The following TRIM29 variants were observed in gnomAD, a reference collection of about 807,000 sequenced individuals.
TRIM29 encodes tripartite motif containing 29, also known as tripartite motif-containing protein 29.
TRIM29 carries 52 observed loss-of-function variants against 57.3 expected under a neutral mutation model. The observed-to-expected ratio is 0.91, with a 90% confidence interval of 0.73 to 1.14. The LOEUF is 1.14. Ranked by LOEUF, TRIM29 falls within the 50% of genes most tolerant of loss-of-function variation. The pLI is 0.00. For missense variants in TRIM29, 753 were observed against 774.6 expected (o/e 0.97, Z 0.33); for synonymous variants, 319 against 316.9 (o/e 1.01, Z -0.07).
At chr11:120,118,597 G>T (rs1040423579) in intron 6 of TRIM29, among the ~76,000 whole-genome samples, 2 of 152,086 alleles carry the variant, frequency 1.3e-5, no homozygotes, top group Admixed American at 6.5e-5. Context: ...TCTGTCGTGA[G>T]TTGCTCCCCC....
chr11:120,131,282 G>GA (rs1408562698), intron 1 of TRIM29, among the ~76,000 whole-genome samples: 3 of 152,158 alleles, frequency 2.0e-5, no homozygotes, highest in Non-Finnish European at 2.9e-5. Flanking sequence ...CAGGGATGCA[G>GA]AATTCAATGG....
At chr11:120,123,710 C>T (rs376168672) in intron 4 of TRIM29, 2 of 342,376 alleles carry the variant, frequency 5.8e-6, no homozygotes, top group South Asian at 2.3e-5. Context: ...CTTTCGACTT[C>T]CCCGTCTTCT....
intron 4 of TRIM29, chr11:120,123,539 G>GGGA: frequency 2.3e-6 from 1 of 438,902 alleles, no homozygotes; most frequent in Non-Finnish European, 4.6e-6. Context: ...GCAGCCTAAG[G>GGGA]TGAGGGGATG....
intron 5 of TRIM29, 69 bp downstream of exon 5, chr11:120,122,885 T>C: frequency 7.6e-7 from 1 of 1,307,526 alleles, no homozygotes; most frequent in Non-Finnish European, 1.1e-6. Context: ...TGAGAGTCAC[T>C]GCACGGACTT....
chr11:120,125,312 G>A lies in TRIM29; in HGVS notation c.1333+379C>T, dbSNP rs1482171926. The A allele has an allele frequency of 1.9e-5, 5 of 261,634 alleles. No homozygotes were observed. The East Asian group carries it at 3.5e-4, about 18-fold the overall frequency. 16.2% of individuals were successfully genotyped at this position (261,634 alleles called of 1,614,324 possible). On this transcript the variant is annotated intron_variant, in intron 4 of 8. Coordinates refer to ENST00000341846, the MANE Select transcript of TRIM29 (RefSeq NM_012101.4). ...TCTGCTAGAGTCTGCAAAGCCACCA[G>A]TTTGGAATCTGGCCCATACTAGTGG...
At chr11:120,133,989 A>C (rs1863768379) in intron 1 of TRIM29, among the ~76,000 whole-genome samples, 1 of 152,038 alleles carries the variant, frequency 6.6e-6, no homozygotes, top group Non-Finnish European at 1.5e-5. Context: ...AGGAGGTCTT[A>C]ACATCCTGGC....
At chr11:120,116,977 G>A (rs1283047668) in intron 7 of TRIM29, 2 of 434,760 alleles carry the variant, frequency 4.6e-6, no homozygotes, top group South Asian at 1.6e-5. Flanking sequence ...TTTTTAGACA[G>A]CCCACTGCGA....
At chr11:120,120,522 T>C in intron 6 of TRIM29, 51 bp downstream of exon 6, 1 of 1,556,698 alleles carries the variant, frequency 6.4e-7, no homozygotes, top group Non-Finnish European at 8.8e-7. Context: ...CCCTCCTGCC[T>C]GCACAGCCCC....
intron 2 of TRIM29, among the ~76,000 whole-genome samples, 195 bp downstream of exon 2, chr11:120,128,205 A>G (rs755259847): frequency 6.6e-6 from 1 of 152,230 alleles, no homozygotes; most frequent in Non-Finnish European, 1.5e-5. Context: ...GGTCACAGAC[A>G]GGATCCCACC....
Position 120,137,789 on chromosome 11 carries a change from C to G in TRIM29, c.243G>C (p.Gln81His), listed in dbSNP as rs199790496. 5 of 1,612,464 alleles carry G rather than the reference C, an allele frequency of 3.1e-6. No individual in the cohort carries two copies. The highest frequency in any genetic ancestry group is 4.2e-6 in the Non-Finnish European group (5 of 1,180,026). Reference protein sequence around the residue: ...AGNEWRRPIIQFVESGDDKNS... With the variant: ...AGNEWRRPIIHFVESGDDKNS... Reference sequence around the variant, plus strand: ...TCTTGTCGTCCCCGGACTCGACAAACTGGATGATGGGTCGCCGCCACTCAT... The same window carrying G: ...TCTTGTCGTCCCCGGACTCGACAAAGTGGATGATGGGTCGCCGCCACTCAT... The change falls in exon 1 of 9, where the codon CAG becomes CAC. Residue 81 changes from glutamine to histidine, a missense_variant. By Grantham distance (24) the Gln-to-His change is conservative. Transcript: ENST00000341846. The surrounding 1 kb of genome is among the most constrained non-coding windows in gnomAD (Gnocchi z 6.2).
In TRIM29 at chr11:120,117,944, T is replaced by C. The variant is rs114126435; in HGVS notation, c.1627+279A>G. 3,335 of 467,408 alleles carry C rather than the reference T, an allele frequency of 7.1e-3. 89 individuals are homozygous for C. Among genetic ancestry groups the C allele is most frequent in the African/African-American group, 0.059 (2,970 of 49,992 alleles). The allele number at this position is 467,408 out of a possible 1,614,324, so 29.0% of individuals were successfully genotyped here. A position where few individuals can be genotyped will look rare whatever the true frequency, so the allele number is the denominator to read the frequency against. ...GAGGTCGAGTGCAGGGGGTATGGCA[T>C]GTCCCCCGGTCCTGACCACTGAGAG... On this transcript the variant is annotated intron_variant, in intron 7 of 8. Coordinates refer to ENST00000341846, the MANE Select transcript of TRIM29 (RefSeq NM_012101.4).
At chr11:120,125,931 T>G in intron 3 of TRIM29, 42 bp from the exon 4 acceptor site, 1 of 1,594,406 alleles carries the variant, frequency 6.3e-7, no homozygotes, top group East Asian at 2.2e-5. Context: ...TGGGTCTTCA[T>G]GAGCTATGAG....
chr11:120,122,862 G>A, intron 5 of TRIM29, 92 bp downstream of exon 5: 1 of 1,026,736 alleles, frequency 9.7e-7, no homozygotes, highest in Non-Finnish European at 1.5e-6. Flanking sequence ...CCCCCACTCA[G>A]AAGGAACCTG....
intron 5 of TRIM29, chr11:120,121,225 C>A: frequency 4.1e-6 from 1 of 246,070 alleles, no homozygotes; most frequent in Non-Finnish European, 8.0e-6. Flanking sequence ...TCCGGCCCTG[C>A]CAGTCCTTCC....
rs369812341 is a variant in TRIM29 at position 120,137,285 on chromosome 11, G to C, written c.747C>G (p.Phe249Leu). The change falls in exon 1 of 9, where the codon TTC becomes TTG. Residue 249 changes from phenylalanine to leucine, a missense_variant. Phe to Leu is a conservative substitution (Grantham distance 22). Transcript: ENST00000341846. This position sits in a 1 kb window ranked among gnomAD's most constrained non-coding sequence, Gnocchi z 6.2. ...CGGTGCTATGATTCTTGTGCTCCTG[G>C]AACATGCAAAGGTAGCAGATGCAGG... is the stretch of plus-strand genomic sequence containing the variant. ...DQTCICYLCM[F>L]QEHKNHSTVT... 1 of 1,614,040 alleles carries C rather than the reference G, an allele frequency of 6.2e-7. No homozygotes were observed. The highest frequency in any genetic ancestry group is 8.5e-7 in the Non-Finnish European group (1 of 1,180,034).
intron 4 of TRIM29, chr11:120,123,363 T>G (rs958470895): frequency 1.8e-6 from 1 of 556,998 alleles, no homozygotes; most frequent in African/African-American, 1.9e-5. Context: ...GCCCATTTCT[T>G]ATTTGATCCA....
chr11:120,135,295 C>G (rs1591332110), intron 1 of TRIM29, among the ~76,000 whole-genome samples: 1 of 152,318 alleles, frequency 6.6e-6, no homozygotes, highest in East Asian at 1.9e-4. Context: ...TTCTTTACCC[C>G]CTCCTCATCC....
At chr11:120,128,811 C>T in intron 1 of TRIM29, 2 of 1,528,098 alleles carry the variant, frequency 1.3e-6, no homozygotes, top group Non-Finnish European at 1.8e-6. Flanking sequence ...GAGGGAAACT[C>T]ATTTACAGGG....
rs547576015 is a variant in TRIM29, at chr11:120,128,786, A to T, written c.805-291T>A. ...GGCTAAACCTCTGCCTATCTCCTCC[A>T]CCCAGCAAGAGCAGGAGGGAAACTC... On this transcript the variant is annotated intron_variant, in intron 1 of 8. Transcript: ENST00000341846. The T allele has an allele frequency of 1.2e-5, 18 of 1,532,856 alleles. No homozygotes were observed. In the East Asian group the frequency reaches 4.4e-4, roughly 38 times the overall value. The allele number at this position is 1,532,856 out of a possible 1,614,324, so 95.0% of individuals were successfully genotyped here.
Sources: gnomAD v4.1 joint callset for allele counts (sites outside exome capture counted in the v4.1 genomes callset) on GRCh38, gnomAD v4.1.1 for gene constraint, Gnocchi (gnomAD v3.1) non-coding constraint, MANE v1.5 for transcripts, NCBI Gene and HGNC (gene_info 2026-07-23, HGNC 2026-07-21) for gene names.